The following RPH3AL variants were observed in gnomAD, a reference collection of about 807,000 sequenced individuals.
RPH3AL encodes rabphilin 3A like (without C2 domains), also known as rab effector Noc2.
In RPH3AL, 38 loss-of-function variants were observed where a neutral mutation model predicts 43.1. The observed-to-expected ratio is 0.88, with a 90% CI of 0.68 to 1.15. RPH3AL has a LOEUF of 1.15. Among genes scored for constraint, RPH3AL ranks in the 50% most tolerant of loss-of-function variants. The pLI is 0.00. For missense variants in RPH3AL, 462 were observed against 423.2 expected (o/e 1.09, Z -0.81); for synonymous variants, 189 against 176.3 (o/e 1.07, Z -0.57).
At chr17:293,565 G>T (rs567721519) in intron 5 of RPH3AL, among the ~76,000 whole-genome samples, 4 of 152,158 alleles carry the variant, frequency 2.6e-5, no homozygotes, top group Admixed American at 1.3e-4. Flanking sequence ...TCCCAGAGAG[G>T]TTTCTGCATC....
intron 5 of RPH3AL, among the ~76,000 whole-genome samples, chr17:291,880 A>G (rs2043056195): frequency 6.6e-6 from 1 of 152,244 alleles, no homozygotes; most frequent in African/African-American, 2.4e-5. Context: ...GAGTCTATAT[A>G]TACACAGAGG....
intron 5 of RPH3AL, among the ~76,000 whole-genome samples, chr17:316,077 C>G (rs1172445604): frequency 2.7e-5 from 4 of 150,566 alleles, no homozygotes; most frequent in Non-Finnish European, 5.9e-5. Context: ...ATGTGTAGTC[C>G]CTGTGCTCCA....
At chr17:336,886 T>G (rs2044971746) in intron 1 of RPH3AL, among the ~76,000 whole-genome samples, 1 of 152,086 alleles carries the variant, frequency 6.6e-6, no homozygotes, top group African/African-American at 2.4e-5. Flanking sequence ...CTCCTCCACC[T>G]GGGGGTGGCC....
In RPH3AL at chr17:232,135, C is replaced by T. The variant is rs115139009; in HGVS notation, c.614-12399G>A. Among the ~76,000 whole-genome samples, 748 of 152,278 alleles carry T rather than the reference C, an allele frequency of 4.9e-3. 8 individuals carry two copies. The highest frequency in any genetic ancestry group is 0.017 in the African/African-American group (704 of 41,562). ...AAACACCCGCCAAGCAAGACGTGGC[C>T]GGGCCTCTACTCCCCTGAGATTTAG... On this transcript the variant is annotated intron_variant, in intron 7 of 9. Transcript: ENST00000331302.
intron 1 of RPH3AL, among the ~76,000 whole-genome samples, chr17:342,730 T>C (rs2045150775): frequency 6.6e-6 from 1 of 152,114 alleles, no homozygotes; most frequent in African/African-American, 2.4e-5. Context: ...GGGAATAGGG[T>C]TTCTGTATGT....
intron 5 of RPH3AL, among the ~76,000 whole-genome samples, chr17:315,440 G>GC (rs2043967366): frequency 4.6e-4 from 13 of 28,050 alleles, no homozygotes; most frequent in East Asian, 2.0e-3. Flanking sequence ...TAGTCCCTGT[G>GC]CCTCACCTCC....
intron 7 of RPH3AL, among the ~76,000 whole-genome samples, chr17:230,202 C>A (rs1222892924): frequency 2.0e-5 from 3 of 152,150 alleles, no homozygotes; most frequent in East Asian, 1.9e-4. Context: ...CATTTACCAT[C>A]GATTTTCATT....
intron 7 of RPH3AL, among the ~76,000 whole-genome samples, chr17:228,000 C>T (rs890917582): frequency 6.6e-6 from 1 of 152,310 alleles, no homozygotes; most frequent in Non-Finnish European, 1.5e-5. Flanking sequence ...CTGTCTGTCC[C>T]TGCTGGGACA....
At chr17:248,362 C>T (rs929089223) in intron 6 of RPH3AL, among the ~76,000 whole-genome samples, 3 of 152,214 alleles carry the variant, frequency 2.0e-5, no homozygotes, top group African/African-American at 7.2e-5. Flanking sequence ...CAGTTCTATC[C>T]TCCTTGCATC....
rs567270534 is a variant in RPH3AL at position 285,330 on chromosome 17, G to A, written c.352-3476C>T. Among the ~76,000 whole-genome samples the A allele has an allele frequency of 2.0e-5, 3 of 152,204 alleles. No homozygotes were observed. The East Asian group carries it at 5.8e-4, about 30-fold the overall frequency. ...GATGGCAGACCTGGGTGGGCTCCCG[G>A]GCAAGTCACCCAAAGCCTCTCTAAA... On this transcript the variant is annotated intron_variant, in intron 5 of 9. Coordinates refer to ENST00000331302, the MANE Select transcript of RPH3AL (RefSeq NM_006987.4).
chr17:302,521 G>A (rs1387687932), intron 5 of RPH3AL, among the ~76,000 whole-genome samples: 1 of 152,206 alleles, frequency 6.6e-6, no homozygotes, highest in Non-Finnish European at 1.5e-5. Flanking sequence ...AGCCATCGGA[G>A]CCACACTGCA....
chr17:314,943 A>G (rs1555519271), intron 5 of RPH3AL, among the ~76,000 whole-genome samples: 2 of 132,216 alleles, frequency 1.5e-5, no homozygotes, highest in Non-Finnish European at 3.1e-5. Context: ...ATTGACCTGT[A>G]GTCTCTGTGC....
At position 290,974 on chromosome 17, in the gene RPH3AL, C is replaced by T. The variant is rs141692649; in HGVS notation, c.352-9120G>A. Among the ~76,000 whole-genome samples the T allele has an allele frequency of 3.8e-3, 583 of 152,072 alleles. 8 individuals are homozygous for T. Among genetic ancestry groups the T allele is most frequent in the African/African-American group, 0.013 (554 of 41,472 alleles). On this transcript the variant is annotated intron_variant, in intron 5 of 9. Coordinates refer to ENST00000331302, the MANE Select transcript of RPH3AL (RefSeq NM_006987.4). This position sits in a 1 kb window ranked among gnomAD's most constrained non-coding sequence, Gnocchi z 4.2. Reference sequence around the variant, plus strand: ...ACGTCCTGTACAAGGAGGCCTGGACCATCCATGGCACAGAGAGGGCTGTTC... The same window carrying T: ...ACGTCCTGTACAAGGAGGCCTGGACTATCCATGGCACAGAGAGGGCTGTTC...
At chr17:253,140 T>A (rs1327259407) in intron 6 of RPH3AL, among the ~76,000 whole-genome samples, 1 of 152,086 alleles carries the variant, frequency 6.6e-6, no homozygotes, top group African/African-American at 2.4e-5. Flanking sequence ...GGGAGAGGCA[T>A]CCATCAGGGC....
At chr17:268,559 T>G (rs561003494) in intron 6 of RPH3AL, among the ~76,000 whole-genome samples, 1 of 129,194 alleles carries the variant, frequency 7.7e-6, no homozygotes, top group African/African-American at 2.9e-5. Flanking sequence ...TTGGGTTTTT[T>G]TTTTTTTTTT....
chr17:331,640 C>G, intron 2 of RPH3AL: 1 of 1,288,384 alleles, frequency 7.8e-7, no homozygotes. Flanking sequence ...CAAACCTCGT[C>G]AGCATGCAGA....
intron 8 of RPH3AL, among the ~76,000 whole-genome samples, chr17:217,251 C>T (rs112930347): frequency 7.7e-6 from 1 of 129,174 alleles, no homozygotes; most frequent in Admixed American, 7.9e-5. Flanking sequence ...ATTATGGAGC[C>T]CTTTCTTCTT....
At chr17:223,703 G>T (rs2041043519) in intron 7 of RPH3AL, among the ~76,000 whole-genome samples, 1 of 152,216 alleles carries the variant, frequency 6.6e-6, no homozygotes, top group Non-Finnish European at 1.5e-5. Flanking sequence ...GCACTGGGAT[G>T]AGGAAACGGT....
At chr17:273,016 A>ATCAGGGAGAGACCCCAGCGAGGGCGACG (rs2042535165) in intron 6 of RPH3AL, among the ~76,000 whole-genome samples, 1 of 38,202 alleles carries the variant, frequency 2.6e-5, no homozygotes, top group African/African-American at 9.2e-5. Flanking sequence ...CGAGGGCGAC[A>ATCAGGGAGAGACCCCAGCGAGGGCGACG]TCAGGAAGAG....
Sources: allele counts gnomAD v4.1 joint callset (sites outside exome capture counted in the v4.1 genomes callset), GRCh38; gene constraint gnomAD v4.1.1; non-coding constraint Gnocchi (gnomAD v3.1); transcripts MANE v1.5; gene names NCBI Gene and HGNC (gene_info 2026-07-23, HGNC 2026-07-21).